The following GREB1L variants were observed in gnomAD, a reference collection of about 807,000 sequenced individuals.
GREB1L encodes the protein GREB1 like retinoic acid receptor coactivator.
GREB1L carries 17 observed loss-of-function variants against 200.8 expected under a neutral mutation model. That is an observed-to-expected ratio of 0.08 (90% CI 0.06 to 0.13). The LOEUF (loss-of-function observed/expected upper bound fraction) is 0.13, where lower values mean the gene tolerates loss of function less well. Among genes scored for constraint, GREB1L ranks in the 10% least tolerant of loss-of-function variants. The pLI is 1.00. For missense variants in GREB1L, 1,657 were observed against 2,367.7 expected, an observed-to-expected ratio of 0.70 and a Z score of 6.23; for synonymous variants, 789 against 893.0, an observed-to-expected ratio of 0.88 and a Z score of 2.08.
intron 1 of GREB1L, among the ~76,000 whole-genome samples, chr18:21,271,125 GACAA>G (rs1043701043): frequency 6.6e-6 from 1 of 152,166 alleles, no homozygotes; most frequent in African/African-American, 2.4e-5. Context: ...AATAGATGAT[GACAA>G]ACAATGAAGT....
intron 7 of GREB1L, among the ~76,000 whole-genome samples, chr18:21,430,252 T>A (rs2145068444): frequency 6.6e-6 from 1 of 152,276 alleles, no homozygotes; most frequent in African/African-American, 2.4e-5. Context: ...ATACAATTGT[T>A]CATAGCATTT....
At chr18:21,495,296 A>G (rs1423512559) in intron 19 of GREB1L, among the ~76,000 whole-genome samples, 3 of 152,208 alleles carry the variant, frequency 2.0e-5, no homozygotes, top group Non-Finnish European at 2.9e-5. Context: ...TCCAATCCCA[A>G]GAATTTCTCC....
chr18:21,269,668 GA>G (rs911535993), intron 1 of GREB1L, among the ~76,000 whole-genome samples: 1 of 151,414 alleles, frequency 6.6e-6, no homozygotes, highest in Non-Finnish European at 1.5e-5. Flanking sequence ...GTAATAGTAA[GA>G]AAAAAAAGGA....
chr18:21,293,315 C>A (rs933123068), intron 1 of GREB1L, among the ~76,000 whole-genome samples: 2 of 152,210 alleles, frequency 1.3e-5, no homozygotes, highest in Non-Finnish European at 2.9e-5. Flanking sequence ...AAATAAAATA[C>A]AGCCAAACTA....
In GREB1L at chr18:21,495,882, A is replaced by AATGAGTCATTTCCTTTGTTT. The variant is rs1263010633; in HGVS notation, c.3146+97_3146+98insATGAGTCATTTCCTTTGTTT. 4.6e-6 allele frequency: 3 copies of AATGAGTCATTTCCTTTGTTT among 655,218 alleles called. No homozygotes were observed. In the African/African-American group the frequency reaches 5.5e-5, roughly 12 times the overall value. 40.6% of individuals were successfully genotyped at this position (655,218 alleles called of 1,614,324 possible). On this transcript the variant is annotated intron_variant, in intron 20 of 32. Transcript: ENST00000424526. ...GGCCCAGTCATTTCCTTTGTTTGGCAGGTAATGAGAAGAGGATTGTTTAAT... is the reference window on the plus strand; with the variant it reads ...GGCCCAGTCATTTCCTTTGTTTGGCAATGAGTCATTTCCTTTGTTTGGTAATGAGAAGAGGATTGTTTAAT...
At chr18:21,363,271 A>ACCCCCCCC (rs1567951929) in intron 1 of GREB1L, among the ~76,000 whole-genome samples, 2 of 7,310 alleles carry the variant, frequency 2.7e-4, no homozygotes, top group Non-Finnish European at 5.2e-4. Flanking sequence ...CCCTGCCCCC[A>ACCCCCCCC]CTCCGCCTCC....
Position 21,332,506 on chromosome 18 carries a change from G to A in GREB1L, c.-119-33521G>A, listed in dbSNP as rs543603147. ...TTTTTTTCTTTTGAGATGGAGTCTG[G>A]CTCTGTTGCCCAGGCTATAGTGCAG... is the stretch of plus-strand genomic sequence containing the variant. On this transcript the variant is annotated intron_variant, in intron 1 of 32. Transcript: ENST00000424526. Among the ~76,000 whole-genome samples, 4 of 151,996 alleles carry A rather than the reference G, an allele frequency of 2.6e-5. No individual in the cohort carries two copies. In the South Asian group the frequency reaches 6.2e-4, roughly 24 times the overall value.
chr18:21,397,104 G>A (rs1042321934), intron 5 of GREB1L, among the ~76,000 whole-genome samples: 7 of 152,200 alleles, frequency 4.6e-5, no homozygotes, highest in East Asian at 3.9e-4. Flanking sequence ...GCCTGCACAC[G>A]CTTTATAGAA....
rs2036518837 is a variant in GREB1L, at chr18:21,495,720, T to C, written c.3081T>C (p.Asp1027=). The C allele has an allele frequency of 6.5e-7, 1 of 1,548,462 alleles. No individual in the cohort carries two copies. The part of the protein sequence containing the change: ...PEEWIPRTYQ[D]LDGLPCIVIL... ...AGTGGATCCCTCGGACATACCAAGA[T>C]TTAGACGGTCTACCTTGTATTGTGA... The change falls in exon 20 of 33, where the codon GAT becomes GAC. Residue 1027 remains aspartate (D), a synonymous_variant. Transcript: ENST00000424526.
chr18:21,296,203 G>A (rs759269472), intron 1 of GREB1L, among the ~76,000 whole-genome samples: 2 of 152,122 alleles, frequency 1.3e-5, no homozygotes, highest in African/African-American at 2.4e-5. Flanking sequence ...CAGTGGATTG[G>A]ATAAAGAAAA....
At chr18:21,247,093 C>G (rs998727203) in intron 1 of GREB1L, among the ~76,000 whole-genome samples, 3 of 152,200 alleles carry the variant, frequency 2.0e-5, no homozygotes, top group Non-Finnish European at 4.4e-5. Flanking sequence ...TGCTGTTGAG[C>G]CCCAGGAGGG....
chr18:21,493,580 A>C (rs1365229079), intron 19 of GREB1L, among the ~76,000 whole-genome samples: 1 of 152,100 alleles, frequency 6.6e-6, no homozygotes, highest in Non-Finnish European at 1.5e-5. Flanking sequence ...AAACATCCTC[A>C]TATAGGCCAG....
At chr18:21,459,689 A>AT (rs1459639033) in intron 15 of GREB1L, among the ~76,000 whole-genome samples, 1 of 152,054 alleles carries the variant, frequency 6.6e-6, no homozygotes, top group Non-Finnish European at 1.5e-5. Flanking sequence ...ATAAAGACAT[A>AT]TTTTTTTGGT....
chr18:21,376,407 C>A (rs1300228996), intron 2 of GREB1L, among the ~76,000 whole-genome samples: 1 of 150,008 alleles, frequency 6.7e-6, no homozygotes, highest in African/African-American at 2.5e-5. Context: ...CAGGAATGAG[C>A]CACCTGGCCT....
rs2038103922 is a variant in GREB1L, at chr18:21,273,084, C to T, written c.-120+30691C>T. On this transcript the variant is annotated intron_variant, in intron 1 of 32. Coordinates refer to ENST00000424526, the MANE Select transcript of GREB1L (RefSeq NM_001142966.3). ...TTTACTAAAAATACAAAAATTAACT[C>T]GATGTGGTTGCGGGTGCCTGTAATC... Among the ~76,000 whole-genome samples the T allele has an allele frequency of 2.6e-5, 4 of 151,914 alleles. 1 individual carries two copies. In the South Asian group the frequency reaches 8.3e-4, roughly 32 times the overall value.
intron 7 of GREB1L, among the ~76,000 whole-genome samples, chr18:21,419,679 C>T (rs931157556): frequency 3.3e-5 from 5 of 152,202 alleles, no homozygotes; most frequent in Admixed American, 3.3e-4. Flanking sequence ...GAACTCCTGA[C>T]CTCAAGTGAT....
In GREB1L at chr18:21,513,905, G is replaced by A; in HGVS notation, c.4820G>A (p.Arg1607His). 3 of 1,551,540 alleles carry A rather than the reference G, an allele frequency of 1.9e-6. No homozygotes were observed. Among genetic ancestry groups the A allele is most frequent in the Non-Finnish European group, 2.6e-6 (3 of 1,146,848 alleles). Residue 1607 changes from arginine (R) to histidine (H), a missense_variant, in exon 28 of 33, where the codon CGC becomes CAC. Coordinates refer to ENST00000424526, the MANE Select transcript of GREB1L (RefSeq NM_001142966.3). The part of the protein sequence containing the change: ...RNRLEELGIK[R>H]QCVWPFIVMM... ...CGCCTGGAGGAGCTAGGCATTAAAC[G>A]CCAGTGTGTCTGGCCTTTCATCGTC...
chr18:21,517,841 C>G (rs142773259), intron 30 of GREB1L, among the ~76,000 whole-genome samples, 193 bp from the exon 31 acceptor site: 1 of 152,298 alleles, frequency 6.6e-6, no homozygotes, highest in East Asian at 1.9e-4. Flanking sequence ...GTGTAACTTA[C>G]ATTAAATCCT....
rs1374363703 is a variant in GREB1L, at chr18:21,505,863, A to G, written c.4282A>G (p.Ile1428Val). The change falls in exon 25 of 33, where the codon ATA (isoleucine) becomes GTA (valine). Residue 1428 changes from isoleucine (I) to valine (V), a missense_variant. Around this residue, in one of 9 missense-constraint regions of GREB1L, gnomAD observed 512 missense variants for 668.3 expected, o/e 0.77. Coordinates refer to ENST00000424526, the MANE Select transcript of GREB1L (RefSeq NM_001142966.3). ...GCCCAGGAAACGGGAAACTGTATCC[A>G]TAATGCTGACCAAATATGCAGCCTA... ...EEPRKRETVS[I>V]MLTKYAAYNT... The G allele has an allele frequency of 1.3e-6, 2 of 1,552,090 alleles. No individual in the cohort carries two copies. The highest frequency in any genetic ancestry group is 8.7e-7 in the Non-Finnish European group (1 of 1,146,970).
Sources: gnomAD v4.1 joint callset for allele counts (sites outside exome capture counted in the v4.1 genomes callset) on GRCh38, gnomAD v4.1.1 for gene constraint, gnomAD v4.1.1 regional missense constraint, MANE v1.5 for transcripts, NCBI Gene and HGNC (gene_info 2026-07-23, HGNC 2026-07-21) for gene names.